STS: variants seen among roughly 807,000 people sequenced by gnomAD.
The protein encoded by STS is steroid sulfatase.
In STS, 7 loss-of-function variants were observed where a neutral mutation model predicts 26.8. The ratio of observed to expected loss-of-function variants is 0.26; its 90% CI spans 0.15 to 0.49. The LOEUF is 0.49. Ranked by LOEUF, STS falls within the 20% of genes least tolerant of loss-of-function variation. The pLI, the probability that STS is intolerant of heterozygous loss-of-function variation, is 0.98. For missense variants in STS, 434 were observed against 465.6 expected, an observed-to-expected ratio of 0.93 and a Z score of 0.63; for synonymous variants, 199 against 189.4, an observed-to-expected ratio of 1.05 and a Z score of -0.42.
intron 2 of STS, among the ~76,000 whole-genome samples, chrX:7,224,092 T>C (rs1403968361): frequency 2.7e-5 from 3 of 111,598 alleles, no homozygotes; most frequent in Non-Finnish European, 5.6e-5. Context: ...TAATGGGACA[T>C]GGAAGCTTGG....
chrX:7,187,580 A>G (rs776178492), intron 1 of STS, among the ~76,000 whole-genome samples: 1 of 112,186 alleles, frequency 8.9e-6, no homozygotes, highest in East Asian at 2.8e-4. Context: ...TCTTCTTCTC[A>G]CTGTTGAACA....
In STS at chrX:7,303,524, G is replaced by C. The variant is rs914868904; in HGVS notation, c.944-1522G>C. Among the ~76,000 whole-genome samples the C allele has an allele frequency of 5.4e-5, 6 of 111,004 alleles. No individual in the cohort carries two copies. The South Asian group carries it at 2.3e-3, about 43-fold the overall frequency. ...CGGCGGTGAAGGAGGGAGCGCCCAG[G>C]ATTTCTTATCAGCCTGCGTGGCACG... is the stretch of plus-strand genomic sequence containing the variant. On this transcript the variant is annotated intron_variant, in intron 7 of 10. Coordinates refer to ENST00000674429, the MANE Select transcript of STS (RefSeq NM_001320752.2).
At chrX:7,337,769 G>C (rs1248635378) in intron 10 of STS, among the ~76,000 whole-genome samples, 1 of 111,762 alleles carries the variant, frequency 8.9e-6, no homozygotes, top group African/African-American at 3.3e-5. Context: ...AACAAATACA[G>C]GTTGCCTTTC....
chrX:7,157,980 C>T (rs905312341), intron 1 of STS, among the ~76,000 whole-genome samples: 23 of 112,209 alleles, frequency 2.0e-4, no homozygotes, highest in African/African-American at 6.5e-4. Context: ...GATCTCTGGC[C>T]TCACAGCAAG....
intron 2 of STS, among the ~76,000 whole-genome samples, chrX:7,239,406 G>A (rs73627541): frequency 8.7e-4 from 97 of 112,007 alleles, no homozygotes; most frequent in African/African-American, 3.0e-3. Context: ...TTTTTAATAA[G>A]CCTTCTTCCC....
At chrX:7,310,340 C>G (rs1926421954) in intron 8 of STS, among the ~76,000 whole-genome samples, 1 of 112,030 alleles carries the variant, frequency 8.9e-6, no homozygotes, top group Non-Finnish European at 1.9e-5. Context: ...TTTAAGATTT[C>G]TATGCAATCC....
chrX:7,148,247 C>T, intron 1 of STS, 164 bp downstream of exon 1: 1 of 330,626 alleles, frequency 3.0e-6, no homozygotes, highest in South Asian at 9.7e-5. Flanking sequence ...GCCCCTCGCC[C>T]GGCTCCGAGC....
chrX:7,215,136 C>CATAT (rs1482253518), intron 2 of STS, among the ~76,000 whole-genome samples: 3 of 83,690 alleles, frequency 3.6e-5, no homozygotes, highest in African/African-American at 1.4e-4. Flanking sequence ...CACACACACA[C>CATAT]ACATATATAT....
At chrX:7,204,949 C>T (rs1479335014) in intron 2 of STS, among the ~76,000 whole-genome samples, 3 of 109,945 alleles carry the variant, frequency 2.7e-5, no homozygotes, top group African/African-American at 1.0e-4. Context: ...TATCCTTCTC[C>T]ACTCTGAGAC....
chrX:7,312,290 G>C (rs1926516035), intron 8 of STS, among the ~76,000 whole-genome samples: 1 of 111,594 alleles, frequency 9.0e-6, no homozygotes, highest in Admixed American at 9.5e-5. Context: ...CAAATCAAAA[G>C]TCCTTGTCTC....
At chrX:7,255,956 G>C (rs145628638) in intron 3 of STS, among the ~76,000 whole-genome samples, 1 of 112,198 alleles carries the variant, frequency 8.9e-6, no homozygotes. Flanking sequence ...CACCCTACAG[G>C]CAGCCATCTT....
intron 2 of STS, among the ~76,000 whole-genome samples, chrX:7,244,606 C>G: frequency 9.0e-6 from 1 of 111,498 alleles, no homozygotes; most frequent in Non-Finnish European, 1.9e-5. Flanking sequence ...TTGTGTTCCC[C>G]AGAGGACATT....
intron 2 of STS, among the ~76,000 whole-genome samples, chrX:7,202,114 A>G (rs1440448827): frequency 8.9e-6 from 1 of 111,872 alleles, no homozygotes; most frequent in Non-Finnish European, 1.9e-5. Context: ...GTGTGTATAT[A>G]TAAATATATT....
At chrX:7,275,597 A>G (rs1268599643) in intron 6 of STS, among the ~76,000 whole-genome samples, 1 of 111,659 alleles carries the variant, frequency 9.0e-6, no homozygotes, top group Non-Finnish European at 1.9e-5. Flanking sequence ...TTGAATTCAT[A>G]TTAATCACCA....
intron 2 of STS, among the ~76,000 whole-genome samples, chrX:7,235,518 A>T (rs1047143769): frequency 2.7e-5 from 3 of 111,975 alleles, no homozygotes; most frequent in African/African-American, 9.7e-5. Context: ...CACGCCTGTA[A>T]TCTCAGCACT....
At chrX:7,170,339 G>A (rs755836335) in intron 1 of STS, among the ~76,000 whole-genome samples, 21 of 111,010 alleles carry the variant, frequency 1.9e-4, no homozygotes, top group African/African-American at 5.9e-4. Flanking sequence ...GGTACGGGGG[G>A]TGTCGAACAA....
At chrX:7,312,586 C>T (rs185298971) in intron 8 of STS, among the ~76,000 whole-genome samples, 3 of 110,955 alleles carry the variant, frequency 2.7e-5, no homozygotes, top group East Asian at 5.7e-4. Flanking sequence ...ATCATGGGGG[C>T]GGGTCTTTCC....
intron 6 of STS, among the ~76,000 whole-genome samples, chrX:7,260,563 G>A (rs987725038): frequency 7.2e-5 from 8 of 111,214 alleles, no homozygotes; most frequent in African/African-American, 2.6e-4. Context: ...CTGCCACCAT[G>A]CCTGGCTAAT....
intron 2 of STS, among the ~76,000 whole-genome samples, chrX:7,216,396 A>G (rs1029721069): frequency 3.6e-5 from 4 of 112,164 alleles, no homozygotes; most frequent in African/African-American, 1.3e-4. Context: ...GGTATCAAAT[A>G]AAAAAACAAC....
Sources: gnomAD v4.1 joint callset for allele counts (sites outside exome capture counted in the v4.1 genomes callset) on GRCh38, gnomAD v4.1.1 for gene constraint, MANE v1.5 for transcripts, NCBI Gene and HGNC (gene_info 2026-07-23, HGNC 2026-07-21) for gene names.